The following NAA35 variants were observed in gnomAD, a reference collection of about 807,000 sequenced individuals.
NAA35 encodes the protein MAK10 homolog, amino-acid N-acetyltransferase subunit.
Under a neutral mutation model 101.7 loss-of-function variants are expected in NAA35, and 18 were observed. The ratio of observed to expected loss-of-function variants is 0.18; its 90% CI spans 0.12 to 0.26. The LOEUF (loss-of-function observed/expected upper bound fraction) is 0.26. Ranked by LOEUF, NAA35 falls within the 10% of genes least tolerant of loss-of-function variation. The pLI is 1.00. For synonymous variants in NAA35, 267 were observed against 273.1 expected (o/e 0.98, Z 0.22); for missense variants, 601 against 886.8 (o/e 0.68, Z 4.09).
chr9:85,990,603 C>T (rs1830859716), intron 11 of NAA35, among the ~76,000 whole-genome samples: 1 of 152,130 alleles, frequency 6.6e-6, no homozygotes, highest in Admixed American at 6.5e-5. Flanking sequence ...CAAAGGGAAC[C>T]ATGTATTTCC....
At chr9:85,996,625 T>C (rs772283551) in intron 12 of NAA35, 48 bp downstream of exon 12, 8 of 1,348,946 alleles carry the variant, frequency 5.9e-6, no homozygotes, top group Non-Finnish European at 8.0e-6. Context: ...TTAAAAAAAA[T>C]TGATACATAA....
chr9:86,021,639 T>C (rs1258976117), intron 22 of NAA35, among the ~76,000 whole-genome samples: 2 of 152,220 alleles, frequency 1.3e-5, no homozygotes, highest in African/African-American at 2.4e-5. Context: ...TTTTGACTAT[T>C]TATCTTTTAA....
At position 85,976,567 on chromosome 9, in the gene NAA35, CTATTTTCCCCAAA is replaced by C. The variant is rs1264873631; in HGVS notation, c.628-117_628-105del. ...ACTAGACACGGCTTTTTTTCCCCAA[CTATTTTCCCCAAA>C]AACAGATTCTTGTGTATACTTAAAA... On this transcript the variant is annotated intron_variant, in intron 8 of 22. Transcript: ENST00000361671. The C allele has an allele frequency of 1.5e-5, 10 of 645,556 alleles. No homozygotes were observed. The Admixed American group carries it at 2.7e-4, about 17-fold the overall frequency. 40.0% of individuals were successfully genotyped at this position (645,556 alleles called of 1,614,324 possible).
chr9:86,022,086 G>A lies in NAA35; in HGVS notation c.*126G>A. ...TTTCTTGGGTAACAACTCATTATAA[G>A]GAATACTTTTAGTTTGACAGCCTTA... On this transcript the variant is annotated 3_prime_UTR_variant, in exon 23 of 23. Transcript: ENST00000361671. 1 of 688,702 alleles carries A rather than the reference G, an allele frequency of 1.5e-6. No homozygotes were observed. The highest frequency in any genetic ancestry group is 1.9e-5 in the South Asian group (1 of 51,940). The allele number at this position is 688,702 out of a possible 1,614,324, so 42.7% of individuals were successfully genotyped here.
rs1832651613 is a variant in NAA35, at chr9:86,023,389, C to T, written c.*1429C>T. 6.6e-6 allele frequency among the ~76,000 whole-genome samples: 1 copy of T among 151,752 alleles called. No homozygotes were observed. The highest frequency in any genetic ancestry group is 2.4e-5 in the African/African-American group (1 of 41,286). ...ACTGAATGCTTTAAACAAAAAAAGG[C>T]AAAGGAATGGTAGGAAATAGGCAAG... On this transcript the variant is annotated 3_prime_UTR_variant, in exon 23 of 23. Coordinates refer to ENST00000361671, the MANE Select transcript of NAA35 (RefSeq NM_024635.4).
At chr9:85,981,403 G>A (rs1287366330) in intron 11 of NAA35, among the ~76,000 whole-genome samples, 2 of 152,184 alleles carry the variant, frequency 1.3e-5, no homozygotes, top group African/African-American at 4.8e-5. Context: ...GAATCTTCCA[G>A]ATGATTGGAA....
chr9:85,958,405 G>C, intron 3 of NAA35, 67 bp from the exon 4 acceptor site: 1 of 924,932 alleles, frequency 1.1e-6, no homozygotes, highest in South Asian at 1.6e-5. Context: ...ATTTTATACC[G>C]TTGTGAAAAT....
chr9:86,023,790 A>G lies in NAA35; in HGVS notation c.*1830A>G, dbSNP rs1223861030. On this transcript the variant is annotated 3_prime_UTR_variant, in exon 23 of 23. Coordinates refer to ENST00000361671, the MANE Select transcript of NAA35 (RefSeq NM_024635.4). ...CAACTAAAAAAGATTGATTAGTGTT[A>G]GATTTATCAGTGTATGTTACTGACA... is the stretch of plus-strand genomic sequence containing the variant. Among the ~76,000 whole-genome samples the G allele has an allele frequency of 1.3e-5, 2 of 152,258 alleles. No homozygotes were observed. The highest frequency in any genetic ancestry group is 1.3e-4 in the Admixed American group (2 of 15,292).
At chr9:86,008,878 A>G (rs761834643) in intron 14 of NAA35, among the ~76,000 whole-genome samples, 3 of 152,202 alleles carry the variant, frequency 2.0e-5, no homozygotes, top group Non-Finnish European at 4.4e-5. Context: ...AGCTAGTGCT[A>G]TCTGGAATTC....
intron 1 of NAA35, chr9:85,941,654 G>T (rs1430874470): frequency 2.0e-6 from 2 of 986,210 alleles, no homozygotes; most frequent in African/African-American, 1.7e-5. Context: ...GGTGCCTGCC[G>T]GCTCCTCATT....
At chr9:86,005,673 A>G (rs996187060) in intron 13 of NAA35, among the ~76,000 whole-genome samples, 57 of 152,298 alleles carry the variant, frequency 3.7e-4, no homozygotes, top group African/African-American at 1.4e-3. Context: ...TTGTAATTCT[A>G]TATACTTGAA....
intron 15 of NAA35, among the ~76,000 whole-genome samples, chr9:86,010,639 A>G (rs1040745423): frequency 3.5e-4 from 51 of 144,302 alleles, no homozygotes; most frequent in East Asian, 4.1e-4. Flanking sequence ...CAGTGGCGCA[A>G]TCTTGGCTCA....
Position 86,016,592 on chromosome 9 carries a change from A to G in NAA35, c.1622A>G (p.Asp541Gly). ...TTGATGTCAACATTGAGTCGTGCCG[A>G]TGGCTCTCAAATGGCAGAGGAAAGG... ...AWLMSTLSRA[D>G]GSQMAEERIM... The change falls in exon 18 of 23, where the codon GAT (aspartate) becomes GGT (glycine). Residue 541 changes from aspartate (D) to glycine (G), a missense_variant. Physicochemically the swap from Asp to Gly is moderately conservative, Grantham distance 94. Coordinates refer to ENST00000361671, the MANE Select transcript of NAA35 (RefSeq NM_024635.4). 1 of 1,614,076 alleles carries G rather than the reference A, an allele frequency of 6.2e-7. No homozygotes were observed. The highest frequency in any genetic ancestry group is 8.5e-7 in the Non-Finnish European group (1 of 1,179,970).
At chr9:86,004,768 A>T (rs1831560689) in intron 13 of NAA35, among the ~76,000 whole-genome samples, 1 of 152,214 alleles carries the variant, frequency 6.6e-6, no homozygotes, top group Admixed American at 6.5e-5. Flanking sequence ...TAGTAATGGG[A>T]TATACAACTC....
chr9:86,013,899 T>C lies in NAA35; in HGVS notation c.1568+2T>C. 1 of 1,580,366 alleles carries C rather than the reference T, an allele frequency of 6.3e-7. No homozygotes were observed. Among genetic ancestry groups the C allele is most frequent in the East Asian group, 2.2e-5 (1 of 44,452 alleles). ...GCACGAGTACTATTACATATATTGG[T>C]AAGAGCACAGTTTGAGTTAAAATTG... On this transcript the variant is annotated splice_donor_variant, in intron 17 of 22. Transcript: ENST00000361671. LOFTEE classifies it high-confidence loss of function.
chr9:85,965,203 T>C (rs975829514), intron 6 of NAA35, among the ~76,000 whole-genome samples: 5 of 152,222 alleles, frequency 3.3e-5, no homozygotes, highest in African/African-American at 7.2e-5. Context: ...ATCCTACAAA[T>C]GTATTTGTAC....
At position 86,022,081 on chromosome 9, in the gene NAA35, T is replaced by G; in HGVS notation, c.*121T>G. The stretch of plus-strand genomic sequence containing the variant: ...ATGGATTTCTTGGGTAACAACTCAT[T>G]ATAAGGAATACTTTTAGTTTGACAG... On this transcript the variant is annotated 3_prime_UTR_variant, in exon 23 of 23. Transcript: ENST00000361671. The G allele has an allele frequency of 1.4e-6, 1 of 704,268 alleles. No individual in the cohort carries two copies. The highest frequency in any genetic ancestry group is 2.4e-6 in the Non-Finnish European group (1 of 420,272). The allele number at this position is 704,268 out of a possible 1,614,324, so 43.6% of individuals were successfully genotyped here.
At chr9:85,973,852 T>C (rs1056141227) in intron 6 of NAA35, among the ~76,000 whole-genome samples, 1 of 152,094 alleles carries the variant, frequency 6.6e-6, no homozygotes, top group African/African-American at 2.4e-5. Context: ...TGGGGTATAG[T>C]ACCTCACTTG....
At position 85,941,217 on chromosome 9, in the gene NAA35, C is replaced by T. The variant is rs1306230306; in HGVS notation, c.-62C>T. On this transcript the variant is annotated 5_prime_UTR_variant, in exon 1 of 23. Transcript: ENST00000361671. The stretch of plus-strand genomic sequence containing the variant: ...GGGGCGGCGGCGGCCGAGGCGGCGT[C>T]GTTATTTCCGTGGTCCGGACAGTGC... 2 of 986,660 alleles carry T rather than the reference C, an allele frequency of 2.0e-6. No individual in the cohort carries two copies. The highest frequency in any genetic ancestry group is 1.1e-4 in the East Asian group (1 of 8,842). 61.1% of individuals were successfully genotyped at this position (986,660 alleles called of 1,614,324 possible). A position where few individuals can be genotyped will look rare whatever the true frequency, so the allele number is the denominator to read the frequency against.
Sources: gnomAD v4.1 joint callset for allele counts (sites outside exome capture counted in the v4.1 genomes callset) on GRCh38, gnomAD v4.1.1 for gene constraint, MANE v1.5 for transcripts, NCBI Gene and HGNC (gene_info 2026-07-23, HGNC 2026-07-21) for gene names.